Variants in CDH13 observed in about 807,000 individuals in gnomAD.
CDH13 encodes cadherin-13.
In CDH13, 24 loss-of-function variants were observed where a neutral mutation model predicts 63.8. The observed-to-expected ratio is 0.38, with a 90% CI of 0.27 to 0.53. CDH13 has a LOEUF of 0.53. CDH13 is among the 20% of genes least tolerant of loss of function. The pLI is 0.85. For synonymous variants in CDH13, 503 were observed against 355.3 expected (o/e 1.42, Z -4.67); for missense variants, 1,049 against 903.1 (o/e 1.16, Z -2.07).
chr16:82,688,223 A>G (rs994596698), intron 1 of CDH13, among the ~76,000 whole-genome samples: 12 of 152,156 alleles, frequency 7.9e-5, no homozygotes, highest in African/African-American at 2.9e-4. Context: ...AGCAACTGCT[A>G]CTTCCAGGCT....
At chr16:83,239,864 T>G (rs909644447) in intron 5 of CDH13, among the ~76,000 whole-genome samples, 1 of 152,070 alleles carries the variant, frequency 6.6e-6, no homozygotes, top group Non-Finnish European at 1.5e-5. Context: ...GGGGAATTTG[T>G]GGGGGGCAGG....
chr16:83,670,678 T>G, intron 8 of CDH13, 112 bp from the exon 9 acceptor site: 2 of 940,302 alleles, frequency 2.1e-6, no homozygotes, highest in Non-Finnish European at 3.3e-6. Context: ...TCCTCTTATG[T>G]TATTATTTAT....
intron 11 of CDH13, among the ~76,000 whole-genome samples, chr16:83,753,963 C>G (rs751570181): frequency 6.6e-6 from 1 of 150,602 alleles, no homozygotes; most frequent in Non-Finnish European, 1.5e-5. Flanking sequence ...TTTTTTTTCT[C>G]TGGGTGCATT....
At chr16:83,032,701 A>G (rs1010834030) in intron 3 of CDH13, among the ~76,000 whole-genome samples, 1 of 152,066 alleles carries the variant, frequency 6.6e-6, no homozygotes, top group Non-Finnish European at 1.5e-5. Context: ...CCACCCCTGA[A>G]CTAAACATGG....
chr16:83,156,592 C>A (rs2037216349), intron 4 of CDH13, among the ~76,000 whole-genome samples: 1 of 152,088 alleles, frequency 6.6e-6, no homozygotes, highest in African/African-American at 2.4e-5. Flanking sequence ...TTTTCAAAGC[C>A]TCCAGATAAA....
intron 5 of CDH13, among the ~76,000 whole-genome samples, chr16:83,283,351 G>A (rs1282286578): frequency 1.3e-5 from 2 of 152,192 alleles, no homozygotes; most frequent in Admixed American, 1.3e-4. Flanking sequence ...AGCAATTTGG[G>A]TGGCCGAGGA....
intron 2 of CDH13, among the ~76,000 whole-genome samples, chr16:82,979,763 G>C (rs1040581727): frequency 6.6e-6 from 1 of 152,158 alleles, no homozygotes; most frequent in Non-Finnish European, 1.5e-5. Flanking sequence ...AGTATGTGGT[G>C]AGCTTTTTCC....
At chr16:82,826,103 C>G (rs2038239887) in intron 1 of CDH13, 1 of 152,158 alleles carries the variant, frequency 6.6e-6, no homozygotes, top group African/African-American at 2.4e-5. Flanking sequence ...GATCTGCCCA[C>G]CTCAGCCTCC....
At chr16:83,065,226 C>T (rs1433934198) in intron 3 of CDH13, among the ~76,000 whole-genome samples, 1 of 152,130 alleles carries the variant, frequency 6.6e-6, no homozygotes, top group Non-Finnish European at 1.5e-5. Context: ...GGAATCCCAG[C>T]ATTTAATGGT....
chr16:83,270,064 C>G (rs1420842554), intron 5 of CDH13, among the ~76,000 whole-genome samples: 1 of 152,180 alleles, frequency 6.6e-6, no homozygotes, highest in African/African-American at 2.4e-5. Flanking sequence ...ACTGGTTTCT[C>G]TTTGGAAATT....
chr16:83,076,382 A>G (rs767229587), intron 3 of CDH13, among the ~76,000 whole-genome samples: 6 of 152,128 alleles, frequency 3.9e-5, no homozygotes, highest in Non-Finnish European at 7.4e-5. Context: ...GTTGCTGGGG[A>G]TTGGGATGCT....
intron 4 of CDH13, among the ~76,000 whole-genome samples, chr16:83,185,443 T>C (rs1251444111): frequency 6.6e-6 from 1 of 152,202 alleles, no homozygotes; most frequent in East Asian, 1.9e-4. Flanking sequence ...TTAAAAAAAA[T>C]TGAGACAAAT....
chr16:82,749,439 G>A (rs904707418), intron 1 of CDH13, among the ~76,000 whole-genome samples: 1 of 152,174 alleles, frequency 6.6e-6, no homozygotes, highest in Non-Finnish European at 1.5e-5. Context: ...CAGGAGTGGG[G>A]CAGGAAAACC....
intron 5 of CDH13, among the ~76,000 whole-genome samples, chr16:83,259,222 C>G (rs1906663888): frequency 6.6e-6 from 1 of 152,152 alleles, no homozygotes; most frequent in African/African-American, 2.4e-5. Context: ...CTGTTTTCCT[C>G]TCTGAGCTTC....
chr16:83,114,718 G>A (rs1567843301), intron 3 of CDH13, among the ~76,000 whole-genome samples: 1 of 152,180 alleles, frequency 6.6e-6, no homozygotes, highest in Non-Finnish European at 1.5e-5. Context: ...ATTTGCTGCA[G>A]AAAGTTGGAT....
At chr16:83,122,054 A>T (rs950984020) in intron 3 of CDH13, among the ~76,000 whole-genome samples, 2 of 152,124 alleles carry the variant, frequency 1.3e-5, no homozygotes, top group Admixed American at 6.5e-5. Flanking sequence ...CATGATTTTG[A>T]TAGGAAGCTG....
At chr16:83,301,734 AT>A (rs897249507) in intron 5 of CDH13, among the ~76,000 whole-genome samples, 15 of 150,888 alleles carry the variant, frequency 9.9e-5, no homozygotes, top group Admixed American at 4.0e-4. Flanking sequence ...CTGCCCTCTT[AT>A]TTTTTCCTTC....
chr16:83,376,695 G>A (rs898628271), intron 6 of CDH13, among the ~76,000 whole-genome samples: 5 of 152,010 alleles, frequency 3.3e-5, no homozygotes, highest in Admixed American at 2.0e-4. Flanking sequence ...GAGTTAGGAG[G>A]TACAAAAGAT....
In CDH13 at chr16:83,522,475, C is replaced by T. The variant is rs186149926; in HGVS notation, c.960+35820C>T. Among the ~76,000 whole-genome samples, 155 of 152,276 alleles carry T rather than the reference C, an allele frequency of 1.0e-3. 1 individual carries two copies. The highest frequency in any genetic ancestry group is 9.8e-3 in the Admixed American group (150 of 15,302). ...AATAATTCAGTGGGTGCCAACAAGA[C>T]GTGGTCTCTATTACAGACTTGAAGC... On this transcript the variant is annotated intron_variant, in intron 7 of 13. Coordinates refer to ENST00000567109, the MANE Select transcript of CDH13 (RefSeq NM_001257.5).
Sources: gnomAD v4.1 joint callset for allele counts (sites outside exome capture counted in the v4.1 genomes callset) on GRCh38, gnomAD v4.1.1 for gene constraint, MANE v1.5 for transcripts, NCBI Gene and HGNC (gene_info 2026-07-23, HGNC 2026-07-21) for gene names.